FAM53A: variants seen among roughly 807,000 people sequenced by gnomAD.
FAM53A encodes the protein family with sequence similarity 53 member A.
A neutral mutation model predicts 26.6 loss-of-function variants in FAM53A; 28 were observed. The observed-to-expected ratio is 1.05, with a 90% CI of 0.78 to 1.45. The LOEUF (loss-of-function observed/expected upper bound fraction) is 1.45. FAM53A is among the 40% of genes most tolerant of loss of function. FAM53A has a pLI of 0.00. For missense variants in FAM53A, 650 were observed against 575.8 expected (o/e 1.13, Z -1.32); for synonymous variants, 290 against 253.1 (o/e 1.15, Z -1.38).
chr4:1,593,329 G>A, the FAM53A span, among the ~76,000 whole-genome samples: 1 of 152,044 alleles, frequency 6.6e-6, no homozygotes, highest in Non-Finnish European at 1.5e-5. Context: ...CAGGCCAGGG[G>A]AGGCTGGACC....
At chr4:1,670,671 G>C (rs1351780906) in intron 1 of FAM53A, among the ~76,000 whole-genome samples, 1 of 152,216 alleles carries the variant, frequency 6.6e-6, no homozygotes, top group Non-Finnish European at 1.5e-5. Context: ...CAGACTCCAA[G>C]AGGGGTGTCG....
At chr4:1,579,799 C>A in the FAM53A span, among the ~76,000 whole-genome samples, 3 of 152,250 alleles carry the variant, frequency 2.0e-5, no homozygotes, top group East Asian at 5.8e-4. Flanking sequence ...GGGGCGCGGC[C>A]CCAGCGCTGC....
At chr4:1,599,903 T>G in the FAM53A span, among the ~76,000 whole-genome samples, 1 of 152,110 alleles carries the variant, frequency 6.6e-6, no homozygotes, top group South Asian at 2.1e-4. This position sits in a 1 kb window ranked among gnomAD's most constrained non-coding sequence, Gnocchi z 6.1. Flanking sequence ...TGGCGGTCCC[T>G]TGGGGTACTG....
chr4:1,636,888 G>A (rs1022084177), downstream of FAM53A, among the ~76,000 whole-genome samples: 3 of 151,910 alleles, frequency 2.0e-5, no homozygotes, highest in East Asian at 1.9e-4. Context: ...TCTTGCTGGG[G>A]GGGGGTCCCA....
intron 4 of FAM53A, chr4:1,644,474 CTGAA>C: frequency 8.6e-7 from 1 of 1,160,528 alleles, no homozygotes; most frequent in Non-Finnish European, 1.2e-6. Flanking sequence ...CCACACGGAA[CTGAA>C]GGGGCCACCC....
At chr4:1,650,075 T>C (rs866238200) in intron 4 of FAM53A, among the ~76,000 whole-genome samples, 4 of 137,278 alleles carry the variant, frequency 2.9e-5, no homozygotes, top group East Asian at 2.2e-4. Context: ...ACAGGCGTGG[T>C]GTTTGTGAGG....
chr4:1,645,598 G>T, intron 4 of FAM53A, among the ~76,000 whole-genome samples: 1 of 152,224 alleles, frequency 6.6e-6, no homozygotes, highest in East Asian at 1.9e-4. Flanking sequence ...CCCTGACCGT[G>T]CAGCCACTGA....
At chr4:1,635,676 C>G (rs140398429), downstream of FAM53A, among the ~76,000 whole-genome samples, 47 of 152,254 alleles carry the variant, frequency 3.1e-4, 1 homozygote, top group East Asian at 8.7e-3. Context: ...CTGCCGCGCC[C>G]ACTGCCAACG....
the FAM53A span, among the ~76,000 whole-genome samples, chr4:1,576,115 T>C: frequency 6.6e-6 from 1 of 152,084 alleles, no homozygotes; most frequent in African/African-American, 2.4e-5. Flanking sequence ...TTGGCTCCAA[T>C]AAAGAGCAAA....
At chr4:1,576,707 T>A in the FAM53A span, among the ~76,000 whole-genome samples, 1 of 152,240 alleles carries the variant, frequency 6.6e-6, no homozygotes, top group Non-Finnish European at 1.5e-5. Flanking sequence ...CAGGGGCGAC[T>A]GGGACTGTGC....
chr4:1,658,041 C>T (rs933028905), intron 2 of FAM53A, among the ~76,000 whole-genome samples: 1 of 151,696 alleles, frequency 6.6e-6, no homozygotes, highest in South Asian at 2.1e-4. Context: ...GACAGAGTCT[C>T]GCTCTGTTGC....
At chr4:1,652,168 C>CACACGCCACACACACAAT in intron 4 of FAM53A, among the ~76,000 whole-genome samples, 1 of 143,622 alleles carries the variant, frequency 7.0e-6, no homozygotes, top group South Asian at 2.3e-4. Context: ...ACACACACCC[C>CACACGCCACACACACAAT]ACACGCCACA....
At chr4:1,634,292 C>T (rs1715741133) in intron 1 of FAM53A, among the ~76,000 whole-genome samples, 1 of 152,120 alleles carries the variant, frequency 6.6e-6, no homozygotes, top group South Asian at 2.1e-4. Context: ...GAGGTCTCTG[C>T]TGAGGGCTCC....
downstream of FAM53A, among the ~76,000 whole-genome samples, chr4:1,616,995 G>C (rs1409600530): frequency 6.9e-6 from 1 of 143,992 alleles, no homozygotes; most frequent in African/African-American, 3.0e-5. Context: ...AAATTAGCCA[G>C]GCACGGTGGT....
At chr4:1,681,063 T>C (rs564443051) in intron 1 of FAM53A, among the ~76,000 whole-genome samples, 2 of 152,212 alleles carry the variant, frequency 1.3e-5, no homozygotes, top group South Asian at 4.2e-4. Flanking sequence ...CAGGAGGTCC[T>C]GCATGTGTGA....
rs3752745 is a variant in FAM53A, at chr4:1,640,437, C to A, written c.*856G>T. 4.2e-5 allele frequency: 12 copies of A among 286,134 alleles called. No individual in the cohort carries two copies. In the East Asian group the frequency reaches 2.0e-3, roughly 48 times the overall value. 17.7% of individuals were successfully genotyped at this position (286,134 alleles called of 1,614,324 possible). A position where few individuals can be genotyped will look rare whatever the true frequency, so the allele number is the denominator to read the frequency against. On this transcript the variant is annotated 3_prime_UTR_variant, in exon 5 of 5. Coordinates refer to ENST00000308132, the MANE Select transcript of FAM53A (RefSeq NM_001174070.3). ...AAGGCGCCCTGCACAGCAGGCCTTTCGTGGGGAACACAGACGCATGTTAAT... is the reference window on the plus strand; with the variant it reads ...AAGGCGCCCTGCACAGCAGGCCTTTAGTGGGGAACACAGACGCATGTTAAT...
chr4:1,681,863 C>G (rs2109082251), intron 1 of FAM53A, among the ~76,000 whole-genome samples: 1 of 152,230 alleles, frequency 6.6e-6, no homozygotes, highest in South Asian at 2.1e-4. Context: ...TGAGAACAGG[C>G]TGCACCATAT....
chr4:1,639,476 C>A (rs1711511784), downstream of FAM53A, among the ~76,000 whole-genome samples: 1 of 152,210 alleles, frequency 6.6e-6, no homozygotes, highest in African/African-American at 2.4e-5. Context: ...GTGACACTCT[C>A]TTGAGCCCCT....
At chr4:1,593,369 G>C in the FAM53A span, among the ~76,000 whole-genome samples, 1 of 152,094 alleles carries the variant, frequency 6.6e-6, no homozygotes, top group Non-Finnish European at 1.5e-5. Flanking sequence ...GGGCCCCTCC[G>C]AGTAGGGTGA....
Sources: gnomAD v4.1 joint callset for allele counts (sites outside exome capture counted in the v4.1 genomes callset) on GRCh38, gnomAD v4.1.1 for gene constraint, Gnocchi (gnomAD v3.1) non-coding constraint, MANE v1.5 for transcripts, NCBI Gene and HGNC (gene_info 2026-07-23, HGNC 2026-07-21) for gene names.